The following SELENOW variants were observed in gnomAD, a reference collection of about 807,000 sequenced individuals.
The protein encoded by SELENOW is selenoprotein W, 1.
In SELENOW, 20 loss-of-function variants were observed where a neutral mutation model predicts 16.6. The observed-to-expected ratio is 1.21, with a 90% CI of 0.85 to 1.76. The LOEUF is 1.76. Among genes scored for constraint, SELENOW ranks in the 40% most tolerant of loss-of-function variants. The pLI is 0.00. For missense variants in SELENOW, 124 were observed against 111.0 expected (o/e 1.12, Z -0.53); for synonymous variants, 44 against 46.2 (o/e 0.95, Z 0.19).
chr19:47,780,525 C>G (rs1047717405), intron 1 of SELENOW, 200 bp from the exon 2 acceptor site: 17 of 606,236 alleles, frequency 2.8e-5, no homozygotes, highest in Admixed American at 1.4e-4. Flanking sequence ...TGCTGTGTCC[C>G]AAAACTCTGC....
intron 1 of SELENOW, chr19:47,780,405 T>G: frequency 8.8e-6 from 4 of 453,578 alleles, no homozygotes; most frequent in Non-Finnish European, 1.2e-5. Context: ...CCGTCTCTCG[T>G]ATTTGTGGTC....
chr19:47,780,936 A>T lies in SELENOW; in HGVS notation c.108+19A>T. On this transcript the variant is annotated intron_variant, in intron 3 of 5. Transcript: ENST00000601048. ...GGACATCGTGAGTCTTGGGATGGGG[A>T]GAAAGACTTGAGCACAGCCACTGTG... is the stretch of plus-strand genomic sequence containing the variant. 1 of 1,612,654 alleles carries T rather than the reference A, an allele frequency of 6.2e-7. No individual in the cohort carries two copies. Among genetic ancestry groups the T allele is most frequent in the Non-Finnish European group, 8.5e-7 (1 of 1,179,108 alleles).
chr19:47,778,852 C>A, intron 1 of SELENOW, 38 bp downstream of exon 1: 1 of 1,581,690 alleles, frequency 6.3e-7, no homozygotes, highest in Non-Finnish European at 8.6e-7. Context: ...CCCCGACCCC[C>A]GCCGGGACCC....
Position 47,778,822 on chromosome 19 carries a change from C to T in SELENOW, c.29+8C>T, listed in dbSNP as rs1475545425. ...CGTCCGAGTCGTTTATTGGTAAGCC[C>T]AGCGGCCAGCGGCCCCCGTCCCCGA... On this transcript the variant is annotated splice_region_variant and intron_variant, in intron 1 of 5. Coordinates refer to ENST00000601048, the MANE Select transcript of SELENOW (RefSeq NM_003009.4). The T allele has an allele frequency of 1.9e-6, 3 of 1,600,660 alleles. No homozygotes were observed. The highest frequency in any genetic ancestry group is 2.6e-6 in the Non-Finnish European group (3 of 1,174,660).
rs764391724 is a variant in SELENOW at position 47,781,103 on chromosome 19, C to T, written c.109-5C>T. The T allele has an allele frequency of 1.2e-6, 2 of 1,613,556 alleles. No individual in the cohort carries two copies. Among genetic ancestry groups the T allele is most frequent in the South Asian group, 1.1e-5 (1 of 91,072 alleles). On this transcript the variant is annotated splice_region_variant and splice_polypyrimidine_tract_variant and intron_variant, in intron 3 of 5. Coordinates refer to ENST00000601048, the MANE Select transcript of SELENOW (RefSeq NM_003009.4). ...TCCAACATCTCCCCTACCCCCTTTC[C>T]TCAGTGCGGCGAGGGAACTCCCCAG...
At chr19:47,781,204 G>C (rs1429508352) in intron 4 of SELENOW, 22 bp downstream of exon 4, 2 of 1,612,336 alleles carry the variant, frequency 1.2e-6, no homozygotes, top group East Asian at 4.5e-5. Flanking sequence ...TGTCCGTCCT[G>C]CCTGGTTTTG....
In SELENOW at chr19:47,781,747, G is replaced by A. The variant is rs530748290; in HGVS notation, c.*18+359G>A. On this transcript the variant is annotated intron_variant, in intron 5 of 5. Coordinates refer to ENST00000601048, the MANE Select transcript of SELENOW (RefSeq NM_003009.4). The stretch of plus-strand genomic sequence containing the variant: ...AGGATGACGGCTGAGATGGTGATGG[G>A]TCAGAGGTGTGCAGGATGACGGCTG... 7.9e-5 allele frequency among the ~76,000 whole-genome samples: 12 copies of A among 151,966 alleles called. No individual in the cohort carries two copies. The South Asian group carries it at 2.5e-3, about 32-fold the overall frequency.
chr19:47,781,045 G>C (rs374884991), intron 3 of SELENOW, 63 bp from the exon 4 acceptor site: 11 of 1,567,082 alleles, frequency 7.0e-6, no homozygotes, highest in African/African-American at 5.4e-5. Flanking sequence ...CCCTGGGAAG[G>C]GGAGGGTCTC....
In SELENOW at chr19:47,778,806, C is replaced by A. The variant is rs1399197737; in HGVS notation, c.21C>A (p.Val7=). The A allele has an allele frequency of 6.3e-7, 1 of 1,599,812 alleles. No individual in the cohort carries two copies. ...GAGCCATGGCTCTCGCCGTCCGAGT[C>A]GTTTATTGGTAAGCCCAGCGGCCAG... MALAVR[V]VYCGAUGYKS... Residue 7 remains valine, a synonymous_variant, in exon 1 of 6, where the codon GTC becomes GTA. Transcript: ENST00000601048.
intron 3 of SELENOW, 33 bp from the exon 4 acceptor site, chr19:47,781,075 C>G (rs553038412): frequency 3.1e-6 from 5 of 1,598,614 alleles, no homozygotes; most frequent in Non-Finnish European, 4.3e-6. Context: ...ACATCTTAGC[C>G]CCTCCAACAT....
chr19:47,779,383 A>G (rs2123696114), intron 1 of SELENOW: 1 of 153,434 alleles, frequency 6.5e-6, no homozygotes, highest in Non-Finnish European at 1.5e-5. Flanking sequence ...AGTCTCAGGA[A>G]GGGTATAATA....
In SELENOW at chr19:47,784,561, G is replaced by C. The variant is rs887584029; in HGVS notation, c.*290G>C. 2 of 152,122 alleles carry C rather than the reference G, an allele frequency of 1.3e-5. No homozygotes were observed. The highest frequency in any genetic ancestry group is 4.8e-5 in the African/African-American group (2 of 41,430). The allele number at this position is 152,122 out of a possible 1,614,324, so 9.4% of individuals were successfully genotyped here. ...CCAGTTGTCCCCTGGAGTTTGGGGG[G>C]ACATCCCGCCTCAGGCATCCTTCTC... On this transcript the variant is annotated 3_prime_UTR_variant, in exon 6 of 6. Transcript: ENST00000601048.
chr19:47,780,835 C>T (rs1291243902), intron 2 of SELENOW, 29 bp from the exon 3 acceptor site: 17 of 1,610,734 alleles, frequency 1.1e-5, no homozygotes, highest in Non-Finnish European at 1.4e-5. Context: ...TGGTATGACC[C>T]CTGCTGTGAC....
chr19:47,780,817 G>A, intron 2 of SELENOW, 47 bp from the exon 3 acceptor site: 3 of 1,605,406 alleles, frequency 1.9e-6, no homozygotes, highest in Non-Finnish European at 2.6e-6. Context: ...TATTGGGAGG[G>A]GGCTGACTGG....
At chr19:47,783,608 G>C (rs141079784) in intron 5 of SELENOW, 4 of 152,322 alleles carry the variant, frequency 2.6e-5, no homozygotes, top group Admixed American at 6.5e-5. Context: ...CCAGCTCCCA[G>C]TGTGCCTTGT....
intron 1 of SELENOW, 121 bp from the exon 2 acceptor site, chr19:47,780,603 CT>C: frequency 1.3e-6 from 1 of 786,486 alleles, no homozygotes; most frequent in Non-Finnish European, 2.2e-6. Context: ...CTGTGTTCCT[CT>C]TTATTTCTTC....
rs1299816208 is a variant in SELENOW, at chr19:47,778,766, G to T, written c.-20G>T. 3 of 1,601,838 alleles carry T rather than the reference G, an allele frequency of 1.9e-6. No homozygotes were observed. The highest frequency in any genetic ancestry group is 2.6e-6 in the Non-Finnish European group (3 of 1,175,280). The stretch of plus-strand genomic sequence containing the variant: ...GTGGCCCGGGCGTCCGCTCCTCAGC[G>T]GATGTGGCAGCCCCGAGCCATGGCT... On this transcript the variant is annotated 5_prime_UTR_variant, in exon 1 of 6. Coordinates refer to ENST00000601048, the MANE Select transcript of SELENOW (RefSeq NM_003009.4).
At position 47,781,183 on chromosome 19, in the gene SELENOW, G is replaced by C; in HGVS notation, c.183+1G>C. The stretch of plus-strand genomic sequence containing the variant: ...CGGGAAGTTGATTCACTCTAAGAAG[G>C]TATGTCTGTCTGTCCGTCCTGCCTG... On this transcript the variant is annotated splice_donor_variant, in intron 4 of 5. Coordinates refer to ENST00000601048, the MANE Select transcript of SELENOW (RefSeq NM_003009.4). LOFTEE classifies it high-confidence loss of function. 6.2e-7 allele frequency: 1 copy of C among 1,613,732 alleles called. No individual in the cohort carries two copies. Among genetic ancestry groups the C allele is most frequent in the Non-Finnish European group, 8.5e-7 (1 of 1,179,704 alleles).
Position 47,781,338 on chromosome 19 carries a change from G to T in SELENOW, c.232G>T (p.Ala78Ser), listed in dbSNP as rs1001151035. 15 of 1,610,894 alleles carry T rather than the reference G, an allele frequency of 9.3e-6. No homozygotes were observed. The highest frequency in any genetic ancestry group is 1.3e-5 in the Non-Finnish European group (15 of 1,178,570). Reference sequence around the variant, plus strand: ...AGAAAGCAAGTTTCTGAAGTTGGTGGCCGCCATCAAAGCCGCCTTGGCTCA... The same window carrying T: ...AGAAAGCAAGTTTCTGAAGTTGGTGTCCGCCATCAAAGCCGCCTTGGCTCA... ...DTESKFLKLVAAIKAALAQG is the reference protein window; with the variant it reads ...DTESKFLKLVSAIKAALAQG The change falls in exon 5 of 6, where the codon GCC becomes TCC. Residue 78 changes from alanine (A) to serine (S), a missense_variant. Physicochemically the swap from Ala to Ser is moderately conservative, Grantham distance 99. Transcript: ENST00000601048.
Sources: gnomAD v4.1 joint callset for allele counts (sites outside exome capture counted in the v4.1 genomes callset) on GRCh38, gnomAD v4.1.1 for gene constraint, MANE v1.5 for transcripts, NCBI Gene and HGNC (gene_info 2026-07-23, HGNC 2026-07-21) for gene names.